The following UBASH3B variants were observed in gnomAD, a reference collection of about 807,000 sequenced individuals.
UBASH3B encodes ubiquitin-associated and SH3 domain-containing protein B.
UBASH3B carries 37 observed loss-of-function variants against 83.4 expected under a neutral mutation model. The observed-to-expected ratio is 0.44, with a 90% CI of 0.34 to 0.58. The LOEUF (loss-of-function observed/expected upper bound fraction) is 0.58, where lower values mean the gene tolerates loss of function less well. UBASH3B is among the 20% of genes least tolerant of loss of function. The probability of loss-of-function intolerance (pLI) is 0.01; values close to 1 mark genes in which losing one functional copy is unlikely to be tolerated. For synonymous variants in UBASH3B, 304 were observed against 318.3 expected (o/e 0.96, Z 0.48); for missense variants, 657 against 827.2 (o/e 0.79, Z 2.52).
At chr11:122,658,719 G>C (rs895793755) in intron 1 of UBASH3B, among the ~76,000 whole-genome samples, 2 of 152,206 alleles carry the variant, frequency 1.3e-5, no homozygotes, top group African/African-American at 4.8e-5. Flanking sequence ...GGGCCAGTAG[G>C]GCCAGGATAG....
chr11:122,690,146 C>G (rs1863863350), intron 1 of UBASH3B, among the ~76,000 whole-genome samples: 1 of 131,842 alleles, frequency 7.6e-6, no homozygotes, highest in African/African-American at 2.8e-5. Flanking sequence ...TTTCCTGAGG[C>G]CTGCTCCCGA....
intron 1 of UBASH3B, among the ~76,000 whole-genome samples, chr11:122,742,950 G>A (rs2135961437): frequency 6.6e-6 from 1 of 152,324 alleles, no homozygotes. Flanking sequence ...AGAGTTTTTT[G>A]TGTGTGTGGT....
chr11:122,784,339 A>G (rs1309081871), intron 5 of UBASH3B, among the ~76,000 whole-genome samples: 1 of 152,182 alleles, frequency 6.6e-6, no homozygotes, highest in Non-Finnish European at 1.5e-5. Context: ...ATTTTGACCA[A>G]TAAAGAAGGG....
chr11:122,776,500 G>A (rs1860737540), intron 2 of UBASH3B, among the ~76,000 whole-genome samples: 1 of 152,120 alleles, frequency 6.6e-6, no homozygotes, highest in South Asian at 2.1e-4. Context: ...CCCAGATAGA[G>A]CCTCTCTCAT....
chr11:122,698,831 CAGA>C lies in UBASH3B; in HGVS notation c.161+42622_161+42624del, dbSNP rs750941671. 6.8e-4 allele frequency among the ~76,000 whole-genome samples: 103 copies of C among 152,256 alleles called. 1 individual carries two copies. The highest frequency in any genetic ancestry group is 2.2e-3 in the African/African-American group (93 of 41,534). ...TGTGGTTATAAATGTGTAGTGTGTG[CAGA>C]CCATATACTGGGATTTTATTTATTT... On this transcript the variant is annotated intron_variant, in intron 1 of 13. Transcript: ENST00000284273.
At chr11:122,724,099 C>T (rs897726653) in intron 1 of UBASH3B, among the ~76,000 whole-genome samples, 2 of 152,140 alleles carry the variant, frequency 1.3e-5, no homozygotes, top group African/African-American at 4.8e-5. Flanking sequence ...AGTTTGATTT[C>T]TGGTTATTTC....
At chr11:122,779,457 C>G in intron 3 of UBASH3B, 40 bp from the exon 4 acceptor site, 1 of 1,609,288 alleles carries the variant, frequency 6.2e-7, no homozygotes, top group Non-Finnish European at 8.5e-7. Context: ...CTTCCATCTC[C>G]CCTTGTCTCT....
rs781514066 is a variant in UBASH3B at position 122,798,932 on chromosome 11, T to C, written c.1358-10T>C. ...CCATCAGACTGATTTTTTTGTGGTT[T>C]TCTTTGCAGGTGAAGCCTTATTAGA... On this transcript the variant is annotated splice_polypyrimidine_tract_variant and intron_variant, in intron 9 of 13. Transcript: ENST00000284273. 9 of 1,613,240 alleles carry C rather than the reference T, an allele frequency of 5.6e-6. No homozygotes were observed. The African/African-American group carries it at 1.1e-4, about 19-fold the overall frequency.
chr11:122,730,301 C>T (rs188531320), intron 1 of UBASH3B, among the ~76,000 whole-genome samples: 52 of 152,242 alleles, frequency 3.4e-4, no homozygotes, highest in East Asian at 1.6e-3. Context: ...TGACATCACA[C>T]GGGTCCTTGA....
chr11:122,702,683 C>T lies in UBASH3B; in HGVS notation c.161+46473C>T, dbSNP rs139338898. Among the ~76,000 whole-genome samples, 1,124 of 152,136 alleles carry T rather than the reference C, an allele frequency of 7.4e-3. 37 individuals are homozygous for T. The East Asian group carries it at 0.11, about 15-fold the overall frequency. ...GAGATTACAGGCGCATGCTACCACA[C>T]CCGGCAAATTTTTGTATTTTTAGTA... On this transcript the variant is annotated intron_variant, in intron 1 of 13. Transcript: ENST00000284273.
chr11:122,794,293 C>T (rs1399414354), intron 6 of UBASH3B, among the ~76,000 whole-genome samples: 1 of 152,146 alleles, frequency 6.6e-6, no homozygotes, highest in African/African-American at 2.4e-5. Flanking sequence ...ACAACCTCCA[C>T]CTCCCAGGTT....
At chr11:122,672,744 C>A (rs1301060806) in intron 1 of UBASH3B, among the ~76,000 whole-genome samples, 1 of 152,166 alleles carries the variant, frequency 6.6e-6, no homozygotes, top group Non-Finnish European at 1.5e-5. Flanking sequence ...ACCTCCTCAG[C>A]GAGAGTTTTC....
intron 1 of UBASH3B, among the ~76,000 whole-genome samples, chr11:122,735,136 A>G (rs1362859868): frequency 6.6e-6 from 1 of 152,208 alleles, no homozygotes; most frequent in East Asian, 1.9e-4. Flanking sequence ...TTGAGTAGAG[A>G]AGAACTGCAT....
chr11:122,690,186 A>ATATATATATATATATCCAAT (rs1863868347), intron 1 of UBASH3B, among the ~76,000 whole-genome samples: 2 of 26,418 alleles, frequency 7.6e-5, no homozygotes, highest in African/African-American at 1.4e-4. Context: ...ATATATATAT[A>ATATATATATATATATCCAAT]TATATATATA....
Position 122,801,229 on chromosome 11 carries a change from G to C in UBASH3B, c.1492G>C (p.Gly498Arg). 1 of 1,614,062 alleles carries C rather than the reference G, an allele frequency of 6.2e-7. No homozygotes were observed. The highest frequency in any genetic ancestry group is 8.5e-7 in the Non-Finnish European group (1 of 1,179,996). Residue 498 changes from glycine (G) to arginine (R), a missense_variant, in exon 11 of 14, where the codon GGC becomes CGC. Coordinates refer to ENST00000284273, the MANE Select transcript of UBASH3B (RefSeq NM_032873.5). The part of the protein sequence containing the change: ...ENHLKIRVEP[G>R]LFEWTKWVAG... ...TCACTTGAAGATCCGTGTAGAGCCCGGCTTATTTGAGTGGACAAAATGGGT... is the reference window on the plus strand; with the variant it reads ...TCACTTGAAGATCCGTGTAGAGCCCCGCTTATTTGAGTGGACAAAATGGGT...
chr11:122,764,087 G>A (rs1860491047), intron 1 of UBASH3B, among the ~76,000 whole-genome samples: 2 of 152,222 alleles, frequency 1.3e-5, no homozygotes, highest in Admixed American at 6.5e-5. Flanking sequence ...GTCGTTGGAA[G>A]GAGTTTGGAC....
chr11:122,767,893 G>A (rs1860577307), intron 1 of UBASH3B, among the ~76,000 whole-genome samples: 1 of 152,162 alleles, frequency 6.6e-6, no homozygotes, highest in Admixed American at 6.5e-5. Context: ...TTCACATAGT[G>A]CACTCCTCAA....
intron 1 of UBASH3B, among the ~76,000 whole-genome samples, chr11:122,662,437 T>C (rs948217183): frequency 1.1e-4 from 16 of 151,136 alleles, no homozygotes; most frequent in African/African-American, 2.4e-4. Flanking sequence ...CTTTTCTTTT[T>C]TTTTTTTTTG....
At chr11:122,738,702 A>G (rs879757127) in intron 1 of UBASH3B, among the ~76,000 whole-genome samples, 2 of 152,148 alleles carry the variant, frequency 1.3e-5, no homozygotes, top group Non-Finnish European at 2.9e-5. Context: ...CAGCCTGACC[A>G]ACATGGAGAA....
Sources: gnomAD v4.1 joint callset for allele counts (sites outside exome capture counted in the v4.1 genomes callset) on GRCh38, gnomAD v4.1.1 for gene constraint, MANE v1.5 for transcripts, NCBI Gene and HGNC (gene_info 2026-07-23, HGNC 2026-07-21) for gene names.